NRXN3: variants seen among roughly 807,000 people sequenced by gnomAD.
NRXN3 encodes neurexin III.
Under a neutral mutation model 137.6 loss-of-function variants are expected in NRXN3, and 32 were observed. The observed-to-expected ratio is 0.23, with a 90% CI of 0.18 to 0.31. NRXN3 has a LOEUF of 0.31. Among genes scored for constraint, NRXN3 ranks in the 10% least tolerant of loss-of-function variants. The pLI, the probability that NRXN3 is intolerant of heterozygous loss-of-function variation, is 1.00. For synonymous variants in NRXN3, 798 were observed against 784.5 expected (o/e 1.02, Z -0.29); for missense variants, 1,574 against 2,062.5 (o/e 0.76, Z 4.59).
At chr14:79,236,867 T>G (rs926130038) in intron 15 of NRXN3, among the ~76,000 whole-genome samples, 3 of 152,134 alleles carry the variant, frequency 2.0e-5, no homozygotes, top group Non-Finnish European at 2.9e-5. Context: ...TGAACCAGAT[T>G]GTGCCAGTGC....
At position 79,387,416 on chromosome 14, in the gene NRXN3, C is replaced by A. The variant is rs565455739; in HGVS notation, c.3263-79805C>A. 2.0e-5 allele frequency among the ~76,000 whole-genome samples: 3 copies of A among 152,066 alleles called. No individual in the cohort carries two copies. In the South Asian group the frequency reaches 6.3e-4, roughly 32 times the overall value. On this transcript the variant is annotated intron_variant, in intron 15 of 20. Coordinates refer to ENST00000335750, the MANE Select transcript of NRXN3 (RefSeq NM_001330195.2). ...AACCACAATGAGATACCATCTCACACCAGTTAGAATGGCGATCATTAAAAA... is the reference window on the plus strand; with the variant it reads ...AACCACAATGAGATACCATCTCACAACAGTTAGAATGGCGATCATTAAAAA...
intron 8 of NRXN3, among the ~76,000 whole-genome samples, chr14:78,775,717 T>A (rs182798516): frequency 6.6e-6 from 1 of 152,234 alleles, no homozygotes; most frequent in Non-Finnish European, 1.5e-5. Flanking sequence ...TTTGAAGACA[T>A]GTTCCTTTCT....
chr14:78,515,063 G>A (rs1331522009), intron 4 of NRXN3, among the ~76,000 whole-genome samples: 1 of 152,154 alleles, frequency 6.6e-6, no homozygotes, highest in Non-Finnish European at 1.5e-5. Context: ...AAGCCACAGT[G>A]CTTATTAACA....
chr14:79,618,523 A>T (rs751762686), intron 16 of NRXN3, among the ~76,000 whole-genome samples: 1 of 149,168 alleles, frequency 6.7e-6, no homozygotes, highest in African/African-American at 2.6e-5. Flanking sequence ...ACATGATTTC[A>T]TTCATTTTTC....
intron 2 of NRXN3, among the ~76,000 whole-genome samples, chr14:78,277,060 C>A (rs148694048): frequency 1.3e-5 from 2 of 152,264 alleles, no homozygotes; most frequent in African/African-American, 2.4e-5. Context: ...CTAGAAGTTT[C>A]TTTGGGCAGA....
intron 15 of NRXN3, chr14:79,249,044 G>A (rs970971971): frequency 6.6e-6 from 1 of 152,170 alleles, no homozygotes; most frequent in Non-Finnish European, 1.5e-5. Flanking sequence ...GGCACTTCAG[G>A]TTGTACATTG....
intron 15 of NRXN3, among the ~76,000 whole-genome samples, chr14:79,364,663 A>G (rs1161029579): frequency 1.4e-4 from 3 of 21,600 alleles, no homozygotes; most frequent in African/African-American, 1.2e-3. Context: ...TCAATTAGGT[A>G]AAAATGAAAC....
At chr14:79,065,148 T>C (rs183889923) in intron 15 of NRXN3, among the ~76,000 whole-genome samples, 92 of 152,180 alleles carry the variant, frequency 6.0e-4, no homozygotes, top group Admixed American at 6.0e-3. Context: ...GTTACTTACA[T>C]AGTACAGTGT....
chr14:79,070,494 G>A (rs898641803), intron 15 of NRXN3, among the ~76,000 whole-genome samples: 2 of 152,100 alleles, frequency 1.3e-5, no homozygotes, highest in African/African-American at 4.8e-5. Flanking sequence ...ATGCTTTTTG[G>A]AAAATGTTGT....
At chr14:79,731,918 T>G (rs1031296275) in intron 19 of NRXN3, among the ~76,000 whole-genome samples, 1 of 152,048 alleles carries the variant, frequency 6.6e-6, no homozygotes, top group African/African-American at 2.4e-5. Flanking sequence ...CTAAAGTATG[T>G]GTTTCTGTGG....
Position 78,170,442 on chromosome 14 carries a change from C to T in NRXN3, c.-936C>T, listed in dbSNP as rs1171092912. 1 of 152,206 alleles carries T rather than the reference C, an allele frequency of 6.6e-6. No homozygotes were observed. The highest frequency in any genetic ancestry group is 1.5e-5 in the Non-Finnish European group (1 of 68,078). 9.4% of individuals were successfully genotyped at this position (152,206 alleles called of 1,614,324 possible). ...CAACTCACAGAGAGGGAGAGGCAAC[C>T]TGTCCTCCCCTCTCTCAGCCTCGGC... On this transcript the variant is annotated 5_prime_UTR_variant, in exon 1 of 21. Coordinates refer to ENST00000335750, the MANE Select transcript of NRXN3 (RefSeq NM_001330195.2).
intron 20 of NRXN3, among the ~76,000 whole-genome samples, chr14:79,809,610 A>C (rs969814231): frequency 6.6e-6 from 1 of 152,228 alleles, no homozygotes; most frequent in Non-Finnish European, 1.5e-5. Flanking sequence ...AACCATCTGC[A>C]TCAAATGAAG....
chr14:78,816,395 C>A (rs2098933266), intron 10 of NRXN3, among the ~76,000 whole-genome samples: 1 of 152,018 alleles, frequency 6.6e-6, no homozygotes, highest in Non-Finnish European at 1.5e-5. Flanking sequence ...CTTTCTGCTC[C>A]TCCTTCTTTT....
At chr14:78,792,365 T>G (rs1469032958) in intron 8 of NRXN3, among the ~76,000 whole-genome samples, 1 of 146,812 alleles carries the variant, frequency 6.8e-6, no homozygotes, top group Non-Finnish European at 1.5e-5. Context: ...GGCTAAAAAT[T>G]GAAATATTGC....
intron 16 of NRXN3, among the ~76,000 whole-genome samples, chr14:79,581,206 A>G (rs1387248634): frequency 6.6e-6 from 1 of 151,996 alleles, no homozygotes; most frequent in African/African-American, 2.4e-5. Flanking sequence ...CAAATTCCTG[A>G]TTTTCCAAGT....
At chr14:79,785,538 A>T (rs2099126825) in intron 19 of NRXN3, among the ~76,000 whole-genome samples, 1 of 152,140 alleles carries the variant, frequency 6.6e-6, no homozygotes, top group Non-Finnish European at 1.5e-5. Flanking sequence ...AAAGCCAAAG[A>T]CCATCATCCC....
chr14:78,916,606 C>T (rs1171571281), intron 10 of NRXN3, among the ~76,000 whole-genome samples: 9 of 152,180 alleles, frequency 5.9e-5, no homozygotes, highest in East Asian at 3.9e-4. Context: ...AGATGAGGTC[C>T]GAGACATAAG....
chr14:78,542,122 G>C (rs898645594), intron 4 of NRXN3, among the ~76,000 whole-genome samples: 1 of 152,190 alleles, frequency 6.6e-6, no homozygotes, highest in South Asian at 2.1e-4. Context: ...TAGGCTACAC[G>C]GGGGTCAGGG....
chr14:79,132,343 A>G (rs2057649807), intron 15 of NRXN3, among the ~76,000 whole-genome samples: 1 of 152,264 alleles, frequency 6.6e-6, no homozygotes, highest in Admixed American at 6.5e-5. Flanking sequence ...ATTTCTAGTA[A>G]AAACAGTGTC....
Sources: allele counts gnomAD v4.1 joint callset (sites outside exome capture counted in the v4.1 genomes callset), GRCh38; gene constraint gnomAD v4.1.1; transcripts MANE v1.5; gene names NCBI Gene and HGNC (gene_info 2026-07-23, HGNC 2026-07-21).